The following MAD1L1 variants were observed in gnomAD, a reference collection of about 807,000 sequenced individuals.
MAD1L1 encodes mitotic arrest deficient 1 like 1.
In MAD1L1, 95 loss-of-function variants were observed where a neutral mutation model predicts 96.9. The observed-to-expected ratio is 0.98, with a 90% CI of 0.83 to 1.16. The LOEUF is 1.16. Ranked by LOEUF, MAD1L1 falls within the 50% of genes most tolerant of loss-of-function variation. The pLI is 0.00. For synonymous variants in MAD1L1, 473 were observed against 396.6 expected, an observed-to-expected ratio of 1.19 and a Z score of -2.29; for missense variants, 1,007 against 954.4, an observed-to-expected ratio of 1.06 and a Z score of -0.73.
chr7:1,996,477 G>T (rs1322604180), intron 14 of MAD1L1, among the ~76,000 whole-genome samples: 1 of 152,242 alleles, frequency 6.6e-6, no homozygotes, highest in African/African-American at 2.4e-5. Flanking sequence ...AGACCCCAGA[G>T]AGCCTAGAGC....
chr7:2,196,836 C>T (rs1198131830), intron 10 of MAD1L1, among the ~76,000 whole-genome samples: 1 of 152,222 alleles, frequency 6.6e-6, no homozygotes, highest in African/African-American at 2.4e-5. Flanking sequence ...GCTGACTCCA[C>T]GGCTCCTACT....
chr7:2,089,664 C>T (rs1412364360), intron 11 of MAD1L1, among the ~76,000 whole-genome samples: 1 of 151,302 alleles, frequency 6.6e-6, no homozygotes. Flanking sequence ...TCCCCGGGGC[C>T]CACCCCACAC....
chr7:1,827,612 C>A lies in MAD1L1; in HGVS notation c.1999-11384G>T, dbSNP rs181247601. Among the ~76,000 whole-genome samples the A allele has an allele frequency of 1.6e-3, 177 of 109,192 alleles. 12 individuals are homozygous for A. The South Asian group carries it at 0.021, about 13-fold the overall frequency. The allele number at this position is 109,192 out of a possible 152,430, so 71.6% of individuals were successfully genotyped here. A position where few individuals can be genotyped will look rare whatever the true frequency, so the allele number is the denominator to read the frequency against. The stretch of plus-strand genomic sequence containing the variant: ...CCTGAGCCCGTCCCGGGTGTGGGGT[C>A]CTCCCCTCCTGAGCCCCGCCCGGGT... On this transcript the variant is annotated intron_variant, in intron 18 of 18. Transcript: ENST00000265854.
At chr7:1,894,212 G>C (rs1017017163) in intron 18 of MAD1L1, among the ~76,000 whole-genome samples, 25 of 152,238 alleles carry the variant, frequency 1.6e-4, no homozygotes, top group African/African-American at 6.0e-4. Context: ...GGCAGCTCTA[G>C]CGCTGTCTTC....
chr7:2,191,700 C>T (rs1362464445), intron 10 of MAD1L1, among the ~76,000 whole-genome samples: 1 of 152,064 alleles, frequency 6.6e-6, no homozygotes, highest in Non-Finnish European at 1.5e-5. Flanking sequence ...CACTACACTC[C>T]AGCCTGGGCC....
intron 18 of MAD1L1, among the ~76,000 whole-genome samples, chr7:1,874,936 A>C (rs1268601028): frequency 6.6e-6 from 1 of 152,120 alleles, no homozygotes; most frequent in African/African-American, 2.4e-5. Context: ...GTGCCCAGTG[A>C]GTGGCCCCCA....
intron 3 of MAD1L1, among the ~76,000 whole-genome samples, 163 bp downstream of exon 3, chr7:2,229,821 C>T (rs1424765171): frequency 6.6e-6 from 1 of 152,262 alleles, no homozygotes; most frequent in East Asian, 1.9e-4. Context: ...CCTCCAGCTA[C>T]GACCCCAAAA....
In MAD1L1 at chr7:2,170,728, G is replaced by A. The variant is rs994867157; in HGVS notation, c.987-21490C>T. Among the ~76,000 whole-genome samples, 18 of 152,314 alleles carry A rather than the reference G, an allele frequency of 1.2e-4. 1 individual carries two copies. The highest frequency in any genetic ancestry group is 7.2e-4 in the Admixed American group (11 of 15,302). On this transcript the variant is annotated intron_variant, in intron 10 of 18. Transcript: ENST00000265854. The stretch of plus-strand genomic sequence containing the variant: ...AGAAAGGGTTTCCAAGTGGCGTAGC[G>A]GCAGTGGGGATGGGCTGGAACTAGC...
chr7:2,025,893 A>G (rs926915367), intron 12 of MAD1L1, among the ~76,000 whole-genome samples: 28 of 152,350 alleles, frequency 1.8e-4, no homozygotes, highest in African/African-American at 6.5e-4. Context: ...GATAACGATC[A>G]TAAAAAAATT....
At chr7:2,164,143 G>A (rs1486757568) in intron 10 of MAD1L1, among the ~76,000 whole-genome samples, 1 of 152,158 alleles carries the variant, frequency 6.6e-6, no homozygotes, top group Non-Finnish European at 1.5e-5. Context: ...CTTGTATAAC[G>A]AACCGCTGTA....
chr7:2,181,948 C>G (rs73039284), intron 10 of MAD1L1, among the ~76,000 whole-genome samples: 43,227 of 151,956 alleles, frequency 0.28, 7,734 homozygotes, highest in East Asian at 0.56. Flanking sequence ...CCAGACATCT[C>G]ACATCCTCAC....
chr7:2,001,808 A>C (rs1349414234), intron 14 of MAD1L1, among the ~76,000 whole-genome samples: 3 of 152,134 alleles, frequency 2.0e-5, no homozygotes, highest in Non-Finnish European at 4.4e-5. Flanking sequence ...TGCGGCAAAC[A>C]TGTCACTGGC....
intron 15 of MAD1L1, among the ~76,000 whole-genome samples, chr7:1,977,851 C>T (rs1271364764): frequency 3.9e-5 from 6 of 152,236 alleles, no homozygotes; most frequent in Non-Finnish European, 8.8e-5. Context: ...AGCCACGGGC[C>T]GGGACACGCT....
intron 11 of MAD1L1, among the ~76,000 whole-genome samples, chr7:2,069,816 G>A (rs1289165247): frequency 2.0e-5 from 3 of 152,242 alleles, no homozygotes; most frequent in Admixed American, 6.5e-5. Flanking sequence ...GTGGGCCGAC[G>A]CCAGAGGCAG....
intron 11 of MAD1L1, among the ~76,000 whole-genome samples, chr7:2,110,479 A>G (rs771383483): frequency 1.3e-5 from 2 of 152,202 alleles, no homozygotes; most frequent in Non-Finnish European, 2.9e-5. Flanking sequence ...CTATTAATAC[A>G]GCCTGAGACA....
At chr7:1,833,211 C>T (rs1782793204) in intron 18 of MAD1L1, among the ~76,000 whole-genome samples, 1 of 152,196 alleles carries the variant, frequency 6.6e-6, no homozygotes. Context: ...AAATGCATGG[C>T]ACTTGCTTTA....
chr7:1,916,463 G>A (rs1788401751), intron 17 of MAD1L1, among the ~76,000 whole-genome samples: 1 of 152,184 alleles, frequency 6.6e-6, no homozygotes, highest in Non-Finnish European at 1.5e-5. Context: ...GTCATGGCAC[G>A]AGGCGGGGAC....
At chr7:1,832,444 G>T (rs1298251191) in intron 18 of MAD1L1, among the ~76,000 whole-genome samples, 1 of 149,494 alleles carries the variant, frequency 6.7e-6, no homozygotes, top group Non-Finnish European at 1.5e-5. Flanking sequence ...GTTGAAAAAT[G>T]ACAGCAAAGT....
chr7:2,040,546 C>T lies in MAD1L1; in HGVS notation c.1219-25904G>A, dbSNP rs533636951. ...CCTGTCGCCTCCATTCTGCTGCTGA[C>T]CTTATATCCATTAAGTTTTTCTTTC... On this transcript the variant is annotated intron_variant, in intron 12 of 18. Transcript: ENST00000265854. Among the ~76,000 whole-genome samples, 57 of 152,350 alleles carry T rather than the reference C, an allele frequency of 3.7e-4. No homozygotes were observed. The South Asian group carries it at 0.011, about 29-fold the overall frequency.
Sources: allele counts gnomAD v4.1 joint callset (sites outside exome capture counted in the v4.1 genomes callset), GRCh38; gene constraint gnomAD v4.1.1; transcripts MANE v1.5; gene names NCBI Gene and HGNC (gene_info 2026-07-23, HGNC 2026-07-21).